Variants in LVRN observed in about 807,000 individuals in gnomAD.
LVRN encodes the protein aminopeptidase Q.
A neutral mutation model predicts 111.4 loss-of-function variants in LVRN; 99 were observed. That is an observed-to-expected ratio of 0.89 (90% CI 0.76 to 1.05). The LOEUF is 1.05. Among genes scored for constraint, LVRN ranks in the 50% least tolerant of loss-of-function variants. The pLI, the probability that LVRN is intolerant of heterozygous loss-of-function variation, is 0.00. For missense variants in LVRN, 1,414 were observed against 1,206.8 expected (o/e 1.17, Z -2.54); for synonymous variants, 488 against 449.5 (o/e 1.09, Z -1.08).
At chr5:116,011,447 A>T (rs948524013) in intron 14 of LVRN, among the ~76,000 whole-genome samples, 5 of 152,160 alleles carry the variant, frequency 3.3e-5, no homozygotes, top group Admixed American at 1.3e-4. Context: ...TGAAAAAAAA[A>T]TTTCCATTTT....
chr5:116,008,501 A>T (rs1362992916), intron 13 of LVRN, among the ~76,000 whole-genome samples: 1 of 152,174 alleles, frequency 6.6e-6, no homozygotes, highest in Non-Finnish European at 1.5e-5. Context: ...AAATTGAGAT[A>T]GGCCGAAACT....
rs1748131207 is a variant in LVRN at position 115,997,144 on chromosome 5, T to C, written c.1375-2618T>C. On this transcript the variant is annotated intron_variant, in intron 6 of 19. Transcript: ENST00000357872. Reference sequence around the variant, plus strand: ...GCTTGGAACATCATGAAAATTAATTTAGTACTCATAATAATCCATTGAGGA... The same window carrying C: ...GCTTGGAACATCATGAAAATTAATTCAGTACTCATAATAATCCATTGAGGA... Among the ~76,000 whole-genome samples, 5 of 152,238 alleles carry C rather than the reference T, an allele frequency of 3.3e-5. No homozygotes were observed. The South Asian group carries it at 1.0e-3, about 32-fold the overall frequency.
rs1753101919 is a variant in LVRN, at chr5:115,962,606, C to T, written c.-12C>T. 6.3e-7 allele frequency: 1 copy of T among 1,587,230 alleles called. No homozygotes were observed. The highest frequency in any genetic ancestry group is 1.3e-5 in the African/African-American group (1 of 74,638). ...CTGAGCTCCAGCCTCGCGCCTGAAC[C>T]CGGTCCCTGCCATGGGGCCCCCTTC... On this transcript the variant is annotated 5_prime_UTR_variant, in exon 1 of 20. Transcript: ENST00000357872.
chr5:115,995,130 A>T (rs774028923), intron 6 of LVRN, among the ~76,000 whole-genome samples: 8 of 152,184 alleles, frequency 5.3e-5, no homozygotes, highest in Admixed American at 3.3e-4. Context: ...GGCTAAATCT[A>T]TTCATTCTGA....
chr5:115,963,436 C>A (rs1753136141), intron 1 of LVRN, 124 bp downstream of exon 1: 1 of 639,904 alleles, frequency 1.6e-6, no homozygotes, highest in Non-Finnish European at 2.6e-6. Flanking sequence ...AATCCCCTTG[C>A]GACGTTTTCT....
At chr5:115,968,184 T>A (rs993631593) in intron 1 of LVRN, among the ~76,000 whole-genome samples, 1 of 152,172 alleles carries the variant, frequency 6.6e-6, no homozygotes, top group African/African-American at 2.4e-5. Flanking sequence ...AGTGGGAAAG[T>A]TTTTAGCCTT....
At chr5:115,992,398 C>G (rs921813529) in intron 5 of LVRN, 121 bp downstream of exon 5, 10 of 1,135,304 alleles carry the variant, frequency 8.8e-6, no homozygotes, top group Non-Finnish European at 1.3e-5. Context: ...AAAAACATCT[C>G]AAAGTATGAC....
At chr5:115,983,925 C>G (rs1306348877) in intron 2 of LVRN, among the ~76,000 whole-genome samples, 2 of 152,172 alleles carry the variant, frequency 1.3e-5, no homozygotes, top group Middle Eastern at 3.2e-3. Context: ...GCCTTTAAGT[C>G]TCAGGACTTT....
intron 18 of LVRN, among the ~76,000 whole-genome samples, chr5:116,017,640 A>G (rs1748629435): frequency 6.6e-6 from 1 of 152,206 alleles, no homozygotes; most frequent in Non-Finnish European, 1.5e-5. Flanking sequence ...GGATGAGGAG[A>G]GTGCTAAATA....
chr5:115,974,958 C>T (rs1753409140), intron 1 of LVRN: 21 of 428,812 alleles, frequency 4.9e-5, no homozygotes, highest in South Asian at 4.0e-4. Context: ...TCTGCAACTG[C>T]CTTTTGGGAA....
chr5:116,017,724 C>G (rs1748631985), intron 18 of LVRN, among the ~76,000 whole-genome samples: 1 of 152,062 alleles, frequency 6.6e-6, no homozygotes, highest in African/African-American at 2.4e-5. Context: ...AATGAATAGG[C>G]TTTAAGATAA....
At chr5:115,983,600 T>C (rs1056618200) in intron 2 of LVRN, among the ~76,000 whole-genome samples, 171 bp downstream of exon 2, 1 of 152,210 alleles carries the variant, frequency 6.6e-6, no homozygotes, top group African/African-American at 2.4e-5. Flanking sequence ...ACCTTGGAGA[T>C]GGTAAATCCT....
chr5:115,972,177 G>A (rs138820310), intron 1 of LVRN, among the ~76,000 whole-genome samples: 3,228 of 152,068 alleles, frequency 0.021, 121 homozygotes, highest in African/African-American at 0.073. Context: ...ATTGATAAAT[G>A]AGCTTCATTA....
chr5:115,968,429 TC>T (rs1753247980), intron 1 of LVRN, among the ~76,000 whole-genome samples: 1 of 130,014 alleles, frequency 7.7e-6, no homozygotes, highest in Admixed American at 9.1e-5. Context: ...CAGCCTTAGT[TC>T]CCCACCCTTT....
chr5:116,003,037 A>G (rs1160545001), intron 11 of LVRN, 126 bp downstream of exon 11: 1 of 941,840 alleles, frequency 1.1e-6, no homozygotes, highest in Non-Finnish European at 1.6e-6. Context: ...CTTGTAGAGC[A>G]TAGAGTTTTA....
chr5:115,972,622 C>A (rs1163930646), intron 1 of LVRN, among the ~76,000 whole-genome samples: 3 of 151,858 alleles, frequency 2.0e-5, no homozygotes, highest in Non-Finnish European at 4.4e-5. Context: ...GCTTCTAATA[C>A]AACACTGAAT....
rs1222118384 is a variant in LVRN, at chr5:116,014,408, T to C, written c.2343-12T>C. On this transcript the variant is annotated splice_polypyrimidine_tract_variant and intron_variant, in intron 15 of 19. Coordinates refer to ENST00000357872, the MANE Select transcript of LVRN (RefSeq NM_173800.5). ...GCAAAATAAACTGTTTTTCTTTGACTTTTTCTTCAAGAATATCACTGGAAA... is the reference window on the plus strand; with the variant it reads ...GCAAAATAAACTGTTTTTCTTTGACCTTTTCTTCAAGAATATCACTGGAAA... The C allele has an allele frequency of 6.2e-7, 1 of 1,601,548 alleles. No individual in the cohort carries two copies. Among genetic ancestry groups the C allele is most frequent in the South Asian group, 1.1e-5 (1 of 90,164 alleles).
chr5:115,980,040 T>C lies in LVRN; in HGVS notation c.696-3247T>C, dbSNP rs190978739. Among the ~76,000 whole-genome samples the C allele has an allele frequency of 1.2e-3, 190 of 152,248 alleles. 1 individual carries two copies. Among genetic ancestry groups the C allele is most frequent in the African/African-American group, 4.5e-3 (186 of 41,536 alleles). The stretch of plus-strand genomic sequence containing the variant: ...AGAAAACAGTGAGTCCATGATTCTC[T>C]TTCCAGACAAGAGGGCAGGAAAGTT... On this transcript the variant is annotated intron_variant, in intron 1 of 19. Transcript: ENST00000357872.
In LVRN at chr5:115,966,454, G is replaced by T. The variant is rs553181018; in HGVS notation, c.695+3142G>T. ...TTATTTAGTCATTCATCGATTGAGG[G>T]TTATTTTAGTTGTTTCCAGTTTTTG... On this transcript the variant is annotated intron_variant, in intron 1 of 19. Transcript: ENST00000357872. Among the ~76,000 whole-genome samples, 4 of 152,266 alleles carry T rather than the reference G, an allele frequency of 2.6e-5. No homozygotes were observed. The East Asian group carries it at 7.7e-4, about 29-fold the overall frequency.
Sources: gnomAD v4.1 joint callset for allele counts (sites outside exome capture counted in the v4.1 genomes callset) on GRCh38, gnomAD v4.1.1 for gene constraint, MANE v1.5 for transcripts, NCBI Gene and HGNC (gene_info 2026-07-23, HGNC 2026-07-21) for gene names.